KIRREL3: variants seen among roughly 807,000 people sequenced by gnomAD.
KIRREL3 encodes the protein kin of IRRE-like protein 3.
KIRREL3 carries 36 observed loss-of-function variants against 89.7 expected under a neutral mutation model. The observed-to-expected ratio is 0.40, with a 90% CI of 0.31 to 0.53. The LOEUF is 0.53. Among genes scored for constraint, KIRREL3 ranks in the 20% least tolerant of loss-of-function variants. The pLI is 0.49. For missense variants in KIRREL3, 864 were observed against 1,056.6 expected, an observed-to-expected ratio of 0.82 and a Z score of 2.53; for synonymous variants, 445 against 441.4, an observed-to-expected ratio of 1.01 and a Z score of -0.10.
rs763216041 is a variant in KIRREL3 at position 126,776,747 on chromosome 11, C to A, written c.56-213835G>T. On this transcript the variant is annotated intron_variant, in intron 1 of 16. Transcript: ENST00000525144. This position sits in a 1 kb window ranked among gnomAD's most constrained non-coding sequence, Gnocchi z 4.7. ...TTATGGAACACCAACACCACTTCTT[C>A]TTTCACCAAGTCCTCTCCCTGCTGC... is the stretch of plus-strand genomic sequence containing the variant. 3.9e-5 allele frequency among the ~76,000 whole-genome samples: 6 copies of A among 152,180 alleles called. No individual in the cohort carries two copies. The highest frequency in any genetic ancestry group is 7.3e-5 in the Non-Finnish European group (5 of 68,044).
At chr11:126,657,162 C>A (rs1186805669) in intron 1 of KIRREL3, among the ~76,000 whole-genome samples, 3 of 152,030 alleles carry the variant, frequency 2.0e-5, no homozygotes, top group African/African-American at 7.2e-5. Flanking sequence ...ACATGACAGG[C>A]TTTTGAACTT....
chr11:126,804,898 C>T (rs1213216813), intron 1 of KIRREL3, among the ~76,000 whole-genome samples: 1 of 152,180 alleles, frequency 6.6e-6, no homozygotes, highest in Non-Finnish European at 1.5e-5. Flanking sequence ...AAGACTCACA[C>T]TCTTGTGACT....
chr11:126,497,564 T>C (rs917520638), intron 4 of KIRREL3, among the ~76,000 whole-genome samples: 1 of 152,230 alleles, frequency 6.6e-6, no homozygotes, highest in Non-Finnish European at 1.5e-5. Context: ...CAGATTCTAG[T>C]TGGCATCTGT....
Position 126,697,296 on chromosome 11 carries a change from C to A in KIRREL3, c.56-134384G>T, listed in dbSNP as rs1395352251. ...CTATTGCCCTAGGCCCTGGGGTGAACTGCAGCCAGCACTGGCCTTGCCGGC... is the reference window on the plus strand; with the variant it reads ...CTATTGCCCTAGGCCCTGGGGTGAAATGCAGCCAGCACTGGCCTTGCCGGC... On this transcript the variant is annotated intron_variant, in intron 1 of 16. Coordinates refer to ENST00000525144, the MANE Select transcript of KIRREL3 (RefSeq NM_032531.4). This position sits in a 1 kb window ranked among gnomAD's most constrained non-coding sequence, Gnocchi z 4.2. 2.0e-5 allele frequency among the ~76,000 whole-genome samples: 3 copies of A among 152,244 alleles called. No individual in the cohort carries two copies. The highest frequency in any genetic ancestry group is 6.5e-5 in the Admixed American group (1 of 15,290).
At position 126,773,667 on chromosome 11, in the gene KIRREL3, CTGTATGTATGTG is replaced by C. The variant is rs544060446; in HGVS notation, c.56-210767_56-210756del. Among the ~76,000 whole-genome samples the C allele has an allele frequency of 8.3e-4, 126 of 152,180 alleles. 1 individual carries two copies. The South Asian group carries it at 0.025, about 30-fold the overall frequency. ...CTTCTGCCATAGGAAGAACATCAAG[CTGTATGTATGTG>C]TGTGTGTGTGTGTTTGTGTGTGTGT... On this transcript the variant is annotated intron_variant, in intron 1 of 16. Coordinates refer to ENST00000525144, the MANE Select transcript of KIRREL3 (RefSeq NM_032531.4). This position sits in a 1 kb window ranked among gnomAD's most constrained non-coding sequence, Gnocchi z 4.2.
At position 126,463,036 on chromosome 11, in the gene KIRREL3, C is replaced by T; in HGVS notation, c.742+121G>A. 1 of 913,638 alleles carries T rather than the reference C, an allele frequency of 1.1e-6. No homozygotes were observed. Among genetic ancestry groups the T allele is most frequent in the Non-Finnish European group, 1.7e-6 (1 of 597,820 alleles). The allele number at this position is 913,638 out of a possible 1,614,324, so 56.6% of individuals were successfully genotyped here. On this transcript the variant is annotated intron_variant, in intron 6 of 16. Transcript: ENST00000525144. This position sits in a 1 kb window ranked among gnomAD's most constrained non-coding sequence, Gnocchi z 5.9. ...TTCCTGTCCGTATCTACAAGCTGGC[C>T]AATCCACAGAGCTGCCTGACCCATT... is the stretch of plus-strand genomic sequence containing the variant.
chr11:126,503,699 A>G (rs1481585581), intron 4 of KIRREL3, among the ~76,000 whole-genome samples: 2 of 152,078 alleles, frequency 1.3e-5, no homozygotes, highest in African/African-American at 2.4e-5. Context: ...CTGGGAGGTA[A>G]TTAAGCTCAT....
intron 1 of KIRREL3, among the ~76,000 whole-genome samples, chr11:126,932,924 A>G (rs555458568): frequency 1.3e-5 from 2 of 152,240 alleles, no homozygotes; most frequent in Non-Finnish European, 2.9e-5. Context: ...ATGTTAAATA[A>G]TGAGGGATTA....
intron 8 of KIRREL3, among the ~76,000 whole-genome samples, chr11:126,447,974 C>A (rs1476552556): frequency 6.6e-6 from 1 of 152,104 alleles, no homozygotes; most frequent in Non-Finnish European, 1.5e-5. Context: ...GCTGCGGGTC[C>A]CTGCTGGACC....
At chr11:126,974,664 C>T (rs1228836287) in intron 1 of KIRREL3, among the ~76,000 whole-genome samples, 1 of 152,024 alleles carries the variant, frequency 6.6e-6, no homozygotes, top group African/African-American at 2.4e-5. Context: ...TGTTACACAC[C>T]TAGGCTACAT....
At position 126,976,708 on chromosome 11, in the gene KIRREL3, A is replaced by G. The variant is rs1949586502; in HGVS notation, c.55+23747T>C. 6.6e-6 allele frequency among the ~76,000 whole-genome samples: 1 copy of G among 152,246 alleles called. No homozygotes were observed. Among genetic ancestry groups the G allele is most frequent in the African/African-American group, 2.4e-5 (1 of 41,458 alleles). ...TGAATTTTTCTATGTGTCAGATAATATGCTGTACTTGCAGCGTATCATTTA... is the reference window on the plus strand; with the variant it reads ...TGAATTTTTCTATGTGTCAGATAATGTGCTGTACTTGCAGCGTATCATTTA... On this transcript the variant is annotated intron_variant, in intron 1 of 16. Coordinates refer to ENST00000525144, the MANE Select transcript of KIRREL3 (RefSeq NM_032531.4). The surrounding 1 kb of genome is among the most constrained non-coding windows in gnomAD (Gnocchi z 4.2).
In KIRREL3 at chr11:126,424,577, T is replaced by C. The variant is rs1347726930; in HGVS notation, c.*3A>G. 1 of 1,613,330 alleles carries C rather than the reference T, an allele frequency of 6.2e-7. No individual in the cohort carries two copies. The highest frequency in any genetic ancestry group is 1.7e-5 in the Admixed American group (1 of 60,012). ...GCCCGTCCCCACCCGCGGTGTGTGA[T>C]CCTTAGACGTGAGTCTGCATCCGCC... On this transcript the variant is annotated 3_prime_UTR_variant, in exon 17 of 17. Coordinates refer to ENST00000525144, the MANE Select transcript of KIRREL3 (RefSeq NM_032531.4).
At chr11:126,446,292 TTC>T (rs1485363868) in intron 9 of KIRREL3, among the ~76,000 whole-genome samples, 3 of 151,546 alleles carry the variant, frequency 2.0e-5, no homozygotes, top group African/African-American at 7.3e-5. Flanking sequence ...TCTCCTTTCT[TTC>T]TTTCTTTCTC....
chr11:126,673,073 G>A (rs1946030786), intron 1 of KIRREL3, among the ~76,000 whole-genome samples: 1 of 152,034 alleles, frequency 6.6e-6, no homozygotes, highest in Admixed American at 6.6e-5. Context: ...CTGGAGCCAG[G>A]AAGCAGGAAT....
In KIRREL3 at chr11:126,562,615, A is replaced by G. The variant is rs1472024713; in HGVS notation, c.133+220T>C. Among the ~76,000 whole-genome samples, 1 of 152,186 alleles carries G rather than the reference A, an allele frequency of 6.6e-6. No individual in the cohort carries two copies. Among genetic ancestry groups the G allele is most frequent in the East Asian group, 1.9e-4 (1 of 5,194 alleles). On this transcript the variant is annotated intron_variant, in intron 2 of 16. Coordinates refer to ENST00000525144, the MANE Select transcript of KIRREL3 (RefSeq NM_032531.4). This position sits in a 1 kb window ranked among gnomAD's most constrained non-coding sequence, Gnocchi z 4.7. ...ACACAAAGGGAGAAGGGAAGATTGCATAAAGAAAATGCCCCTGAATCAGCA... is the reference window on the plus strand; with the variant it reads ...ACACAAAGGGAGAAGGGAAGATTGCGTAAAGAAAATGCCCCTGAATCAGCA...
rs760938039 is a variant in KIRREL3 at position 126,877,460 on chromosome 11, G to A, written c.55+122995C>T. On this transcript the variant is annotated intron_variant, in intron 1 of 16. Coordinates refer to ENST00000525144, the MANE Select transcript of KIRREL3 (RefSeq NM_032531.4). This position sits in a 1 kb window ranked among gnomAD's most constrained non-coding sequence, Gnocchi z 4.9. ...TAGTGAAAGTCTGCAATCCTGCAAT[G>A]GAAAGAATCTCTTTCCTCCACTCAC... Among the ~76,000 whole-genome samples, 1 of 152,106 alleles carries A rather than the reference G, an allele frequency of 6.6e-6. No homozygotes were observed. The highest frequency in any genetic ancestry group is 1.5e-5 in the Non-Finnish European group (1 of 68,018).
At chr11:126,982,645 C>T (rs974380067) in intron 1 of KIRREL3, among the ~76,000 whole-genome samples, 1 of 152,320 alleles carries the variant, frequency 6.6e-6, no homozygotes, top group South Asian at 2.1e-4. Context: ...AGCCCAACAC[C>T]TCCAGGCGTG....
chr11:126,991,840 T>G lies in KIRREL3; in HGVS notation c.55+8615A>C, dbSNP rs1193414607. Among the ~76,000 whole-genome samples the G allele has an allele frequency of 6.6e-6, 1 of 152,196 alleles. No homozygotes were observed. The highest frequency in any genetic ancestry group is 1.5e-5 in the Non-Finnish European group (1 of 68,036). ...TAGGATACTCTCCTGCATTTTTTAG[T>G]GTTGATGTGGAACAGCTGGATGTAC... On this transcript the variant is annotated intron_variant, in intron 1 of 16. Coordinates refer to ENST00000525144, the MANE Select transcript of KIRREL3 (RefSeq NM_032531.4). The surrounding 1 kb of genome is among the most constrained non-coding windows in gnomAD (Gnocchi z 5.8).
At chr11:126,461,450 C>T (rs1465723650) in intron 6 of KIRREL3, among the ~76,000 whole-genome samples, 1 of 152,164 alleles carries the variant, frequency 6.6e-6, no homozygotes, top group Admixed American at 6.5e-5. Context: ...GCCAGAGCTC[C>T]GCGGCCCTGG....
Sources: gnomAD v4.1 joint callset for allele counts (sites outside exome capture counted in the v4.1 genomes callset) on GRCh38, gnomAD v4.1.1 for gene constraint, Gnocchi (gnomAD v3.1) non-coding constraint, MANE v1.5 for transcripts, NCBI Gene and HGNC (gene_info 2026-07-23, HGNC 2026-07-21) for gene names.